Variants in GSK3B observed in about 807,000 individuals in gnomAD.
GSK3B encodes the protein glycogen synthase kinase 3 beta.
GSK3B carries 15 observed loss-of-function variants against 56.4 expected under a neutral mutation model. The observed-to-expected ratio is 0.27, with a 90% confidence interval of 0.18 to 0.41. The LOEUF is 0.41. Ranked by LOEUF, GSK3B falls within the 10% of genes least tolerant of loss-of-function variation. The probability of loss-of-function intolerance (pLI) is 1.00; values close to 1 mark genes in which losing one functional copy is unlikely to be tolerated. For synonymous variants in GSK3B, 181 were observed against 188.9 expected (o/e 0.96, Z 0.34); for missense variants, 300 against 513.4 (o/e 0.58, Z 4.02).
intron 1 of GSK3B, among the ~76,000 whole-genome samples, chr3:120,011,323 A>T (rs1038577309): frequency 4.6e-5 from 7 of 152,146 alleles, no homozygotes; most frequent in African/African-American, 1.4e-4. Context: ...TAACATTTCA[A>T]GGGTTTGAAA....
chr3:119,899,340 A>T (rs1293776775), intron 7 of GSK3B, among the ~76,000 whole-genome samples: 1 of 152,162 alleles, frequency 6.6e-6, no homozygotes, highest in Non-Finnish European at 1.5e-5. Context: ...AACAGTAGAA[A>T]GTGATACCTG....
intron 10 of GSK3B, among the ~76,000 whole-genome samples, chr3:119,830,839 C>A (rs1002507620): frequency 6.6e-6 from 1 of 152,138 alleles, no homozygotes; most frequent in South Asian, 2.1e-4. Context: ...GGTAGTAATA[C>A]CACCCACCTA....
intron 10 of GSK3B, among the ~76,000 whole-genome samples, chr3:119,836,601 C>T (rs2055694195): frequency 1.3e-5 from 2 of 150,722 alleles, no homozygotes; most frequent in African/African-American, 2.4e-5. Flanking sequence ...GATATGGTTA[C>T]TTTTTTTTTA....
intron 1 of GSK3B, among the ~76,000 whole-genome samples, chr3:120,007,748 G>T (rs2057742129): frequency 6.6e-6 from 1 of 152,064 alleles, no homozygotes; most frequent in Non-Finnish European, 1.5e-5. Context: ...CAATAAACTT[G>T]GTATCGATGG....
intron 7 of GSK3B, among the ~76,000 whole-genome samples, chr3:119,902,508 T>C (rs966857033): frequency 6.6e-6 from 1 of 152,158 alleles, no homozygotes; most frequent in Non-Finnish European, 1.5e-5. Context: ...GCAATTCTCC[T>C]GCCTCAGCCT....
At chr3:119,877,240 T>C (rs1431568747) in intron 7 of GSK3B, among the ~76,000 whole-genome samples, 2 of 152,158 alleles carry the variant, frequency 1.3e-5, no homozygotes, top group Admixed American at 6.5e-5. Flanking sequence ...CTTCACTTAG[T>C]TCAGTATAGC....
rs1391226583 is a variant in GSK3B at position 119,824,352 on chromosome 3, C to T, written c.*2436G>A. The T allele has an allele frequency of 1.8e-5, 4 of 221,052 alleles. No individual in the cohort carries two copies. The highest frequency in any genetic ancestry group is 2.3e-5 in the African/African-American group (1 of 43,332). 13.7% of individuals were successfully genotyped at this position (221,052 alleles called of 1,614,324 possible). On this transcript the variant is annotated 3_prime_UTR_variant, in exon 11 of 11. Transcript: ENST00000264235. ...CAGCACACACACACACACACACACA[C>T]GCACACATGCACACACAATGAAATG...
intron 3 of GSK3B, among the ~76,000 whole-genome samples, chr3:119,939,194 A>G (rs1477615807): frequency 2.0e-5 from 3 of 152,138 alleles, no homozygotes; most frequent in African/African-American, 7.2e-5. Flanking sequence ...GTAGGAAAGA[A>G]GCATTCCAGA....
intron 1 of GSK3B, among the ~76,000 whole-genome samples, chr3:120,067,843 A>G (rs2058292803): frequency 6.6e-6 from 1 of 152,342 alleles, no homozygotes; most frequent in African/African-American, 2.4e-5. Flanking sequence ...AATTGAAAGG[A>G]GAGTTAAAAA....
At chr3:120,067,211 T>C (rs542774850) in intron 1 of GSK3B, among the ~76,000 whole-genome samples, 129 of 131,388 alleles carry the variant, frequency 9.8e-4, no homozygotes, top group Non-Finnish European at 1.7e-3. Context: ...TTCAAAAGAA[T>C]AGACGCAGTA....
At chr3:119,967,826 CTTT>C (rs1365154304) in intron 2 of GSK3B, among the ~76,000 whole-genome samples, 2 of 87,496 alleles carry the variant, frequency 2.3e-5, no homozygotes, top group African/African-American at 9.8e-5. Context: ...CCCTTTCTCT[CTTT>C]CTCTTTCTCT....
At chr3:119,912,146 G>A (rs559399858) in intron 6 of GSK3B, among the ~76,000 whole-genome samples, 1 of 152,014 alleles carries the variant, frequency 6.6e-6, no homozygotes, top group African/African-American at 2.4e-5. Context: ...GTTATTAATT[G>A]GCCTAATTTC....
intron 3 of GSK3B, among the ~76,000 whole-genome samples, chr3:119,927,009 G>C (rs78915027): frequency 0.026 from 3,918 of 152,088 alleles, 167 homozygotes; most frequent in African/African-American, 0.088. Flanking sequence ...CCTCTGACTA[G>C]ACAAGGCTCC....
chr3:120,004,258 C>T (rs1559872462), intron 1 of GSK3B, among the ~76,000 whole-genome samples: 1 of 152,186 alleles, frequency 6.6e-6, no homozygotes. Flanking sequence ...AACAAAGCAG[C>T]AGGGAAGCTC....
Position 119,824,897 on chromosome 3 carries a change from AG to A in GSK3B, c.*1890del, listed in dbSNP as rs1341183063. On this transcript the variant is annotated 3_prime_UTR_variant, in exon 11 of 11. Coordinates refer to ENST00000264235, the MANE Select transcript of GSK3B (RefSeq NM_001146156.2). ...AACTCTCTTGGAGAGTCACACACACAGTTAAGGAGCAGGACAGGGTGCTAGG... is the reference window on the plus strand; with the variant it reads ...AACTCTCTTGGAGAGTCACACACACATTAAGGAGCAGGACAGGGTGCTAGG... 1 of 180,708 alleles carries A rather than the reference AG, an allele frequency of 5.5e-6. No individual in the cohort carries two copies. The highest frequency in any genetic ancestry group is 9.1e-5 in the East Asian group (1 of 10,982). The allele number at this position is 180,708 out of a possible 1,614,324, so 11.2% of individuals were successfully genotyped here.
At chr3:120,018,869 T>C (rs1399457764) in intron 1 of GSK3B, among the ~76,000 whole-genome samples, 1 of 152,206 alleles carries the variant, frequency 6.6e-6, no homozygotes, top group Non-Finnish European at 1.5e-5. Context: ...AGCAAACATT[T>C]AAACACTTCA....
Position 120,078,073 on chromosome 3 carries a change from G to A in GSK3B, c.88+15274C>T, listed in dbSNP as rs528093841. ...AGCTGAATCTGAATTCTAAAATTCC[G>A]GCCATCATTAACAGCATCCAGAGAA... On this transcript the variant is annotated intron_variant, in intron 1 of 10. Transcript: ENST00000264235. Among the ~76,000 whole-genome samples, 28 of 152,020 alleles carry A rather than the reference G, an allele frequency of 1.8e-4. 1 individual carries two copies. The highest frequency in any genetic ancestry group is 1.5e-3 in the South Asian group (7 of 4,814).
At chr3:120,054,729 G>C (rs1263377102) in intron 1 of GSK3B, among the ~76,000 whole-genome samples, 1 of 152,050 alleles carries the variant, frequency 6.6e-6, no homozygotes, top group Non-Finnish European at 1.5e-5. Context: ...GCTCATACAA[G>C]TCTCCTGATA....
chr3:119,843,948 A>G (rs987043955), intron 9 of GSK3B, among the ~76,000 whole-genome samples: 2 of 152,314 alleles, frequency 1.3e-5, no homozygotes, highest in African/African-American at 4.8e-5. Context: ...AGCAAATGCC[A>G]AAGAACAGAA....
Sources: gnomAD v4.1 joint callset for allele counts (sites outside exome capture counted in the v4.1 genomes callset) on GRCh38, gnomAD v4.1.1 for gene constraint, MANE v1.5 for transcripts, NCBI Gene and HGNC (gene_info 2026-07-23, HGNC 2026-07-21) for gene names.